Variants in LTF observed in about 807,000 individuals in gnomAD.
The protein encoded by LTF is lactotransferrin.
Under a neutral mutation model 87.2 loss-of-function variants are expected in LTF, and 91 were observed. The ratio of observed to expected loss-of-function variants is 1.04; its 90% CI spans 0.88 to 1.24. The LOEUF is 1.24. Among genes scored for constraint, LTF ranks in the 50% most tolerant of loss-of-function variants. The probability of loss-of-function intolerance (pLI) is 0.00; values close to 1 mark genes in which losing one functional copy is unlikely to be tolerated. For synonymous variants in LTF, 378 were observed against 356.1 expected (o/e 1.06, Z -0.69); for missense variants, 901 against 904.3 (o/e 1.00, Z 0.05).
At position 46,456,354 on chromosome 3, in the gene LTF, G is replaced by T; in HGVS notation, c.252C>A (p.Tyr84Ter). ...GTTTGTAGGGGGCCAGGCCTGCCTCGTATATGAAACCACCATCAAGGGTCA... is the reference window on the plus strand; with the variant it reads ...GTTTGTAGGGGGCCAGGCCTGCCTCTTATATGAAACCACCATCAAGGGTCA... ...DAVTLDGGFIYEAGLAPYKLR... is the reference protein window; with the variant it reads ...DAVTLDGGFI Residue 84 changes from tyrosine to a stop codon, truncating the protein, a stop_gained, in exon 3 of 17, where the codon TAC (tyrosine) becomes TAA (stop). Transcript: ENST00000231751. LOFTEE classifies it high-confidence loss of function. The T allele has an allele frequency of 1.2e-6, 2 of 1,614,178 alleles. No homozygotes were observed. Among genetic ancestry groups the T allele is most frequent in the South Asian group, 1.1e-5 (1 of 91,086 alleles).
In LTF at chr3:46,482,651, AGAAAGAAAGAAGGAAGGAAG is replaced by A. The variant is rs1304950297; in HGVS notation, c.-320+2315_-320+2334del. Among the ~76,000 whole-genome samples, 123 of 101,220 alleles carry A rather than the reference AGAAAGAAAGAAGGAAGGAAG, an allele frequency of 1.2e-3. 9 individuals carry two copies. Among genetic ancestry groups the A allele is most frequent in the Admixed American group, 3.4e-3 (33 of 9,820 alleles). 66.4% of individuals were successfully genotyped at this position (101,220 alleles called of 152,430 possible). On this transcript the variant is annotated intron_variant, in intron 1 of 19. Coordinates refer to the LTF transcript ENST00000443496. The stretch of plus-strand genomic sequence containing the variant: ...AAGAAAGAAAGAAAGAAAGAAAGAA[AGAAAGAAAGAAGGAAGGAAG>A]GAAGGAAGGAAGGAAGGAAGGAAGG...
At chr3:46,455,744 C>G (rs894352565) in intron 4 of LTF, 52 bp downstream of exon 4, 15 of 1,514,016 alleles carry the variant, frequency 9.9e-6, no homozygotes, top group Non-Finnish European at 1.3e-5. Context: ...GTGCTTACAA[C>G]TGGAATAGAG....
chr3:46,440,067 T>C (rs1359623711), intron 14 of LTF, among the ~76,000 whole-genome samples: 1 of 152,254 alleles, frequency 6.6e-6, no homozygotes, highest in East Asian at 1.9e-4. Flanking sequence ...TATGGGAGGA[T>C]ACAAGCGTTC....
intron 1 of LTF, among the ~76,000 whole-genome samples, chr3:46,479,554 C>A (rs572950266): frequency 3.9e-4 from 59 of 152,138 alleles, no homozygotes; most frequent in Non-Finnish European, 7.1e-4. Flanking sequence ...GACAGAGTCT[C>A]GCTCTGTCAC....
chr3:46,464,666 T>C (rs1703168186), intron 1 of LTF, among the ~76,000 whole-genome samples, 159 bp downstream of exon 1: 1 of 152,170 alleles, frequency 6.6e-6, no homozygotes, highest in Non-Finnish European at 1.5e-5. Flanking sequence ...GGAAAGAGAC[T>C]GGCCCCGCGT....
chr3:46,441,814 A>T (rs1373799324), intron 13 of LTF: 2 of 241,998 alleles, frequency 8.3e-6, no homozygotes, highest in African/African-American at 4.6e-5. Flanking sequence ...GGCGGCCTAC[A>T]CAGCAACCAG....
chr3:46,451,657 C>A (rs948111883), intron 6 of LTF, among the ~76,000 whole-genome samples: 16 of 152,098 alleles, frequency 1.1e-4, no homozygotes, highest in African/African-American at 3.9e-4. Context: ...TGCAGTGGTG[C>A]GATCTCAGCT....
chr3:46,464,434 G>T (rs1439430175), intron 1 of LTF, among the ~76,000 whole-genome samples: 1 of 152,172 alleles, frequency 6.6e-6, no homozygotes, highest in Admixed American at 6.5e-5. Context: ...CACAGTCCTC[G>T]CAGGAGCTAG....
chr3:46,464,708 C>T, intron 1 of LTF, 117 bp downstream of exon 1: 1 of 1,128,750 alleles, frequency 8.9e-7, no homozygotes, highest in Non-Finnish European at 1.3e-6. Flanking sequence ...GGCGCTGGGA[C>T]CGCGGGGCGC....
chr3:46,463,493 C>A (rs942468406), intron 1 of LTF: 4 of 985,548 alleles, frequency 4.1e-6, no homozygotes, highest in Admixed American at 1.2e-4. Flanking sequence ...AGGAATTCCA[C>A]AGGGCAACTG....
At chr3:46,437,063 C>T (rs1386921852) in intron 16 of LTF, among the ~76,000 whole-genome samples, 1 of 152,178 alleles carries the variant, frequency 6.6e-6, no homozygotes, top group Non-Finnish European at 1.5e-5. Flanking sequence ...CAACAGCATC[C>T]CTAATGCCCC....
intron 14 of LTF, 68 bp downstream of exon 14, chr3:46,441,348 G>T: frequency 7.8e-7 from 1 of 1,279,678 alleles, no homozygotes. Context: ...AGGCAAATCT[G>T]AACACTAAGA....
intron 5 of LTF, 37 bp downstream of exon 5, chr3:46,455,258 A>G: frequency 6.2e-7 from 1 of 1,613,526 alleles, no homozygotes; most frequent in Non-Finnish European, 8.5e-7. Flanking sequence ...GCCAAGGGAC[A>G]CTTGGCCACT....
intron 1 of LTF, among the ~76,000 whole-genome samples, chr3:46,482,833 G>A (rs1703468792): frequency 6.6e-6 from 1 of 151,258 alleles, no homozygotes; most frequent in African/African-American, 2.4e-5. Context: ...GAGAAAGGGA[G>A]GAAGGGAGGG....
upstream of LTF, among the ~76,000 whole-genome samples, chr3:46,467,611 G>A (rs1703232048): frequency 6.6e-6 from 1 of 151,528 alleles, no homozygotes; most frequent in African/African-American, 2.4e-5. Context: ...TGGCTTTCTG[G>A]CCAGGAATTC....
At chr3:46,441,015 G>A (rs746047190) in intron 14 of LTF, among the ~76,000 whole-genome samples, 1 of 152,192 alleles carries the variant, frequency 6.6e-6, no homozygotes, top group Non-Finnish European at 1.5e-5. Context: ...ATAAAGGGAG[G>A]CTTCATTTGC....
intron 10 of LTF, among the ~76,000 whole-genome samples, chr3:46,447,000 A>G (rs988021697): frequency 1.3e-5 from 2 of 152,154 alleles, no homozygotes; most frequent in African/African-American, 4.8e-5. Flanking sequence ...TGGGCCCGAG[A>G]GCATGGACTG....
chr3:46,479,599 C>T (rs905526393), intron 1 of LTF, among the ~76,000 whole-genome samples: 6 of 152,214 alleles, frequency 3.9e-5, no homozygotes, highest in Admixed American at 1.3e-4. Context: ...TCTCAACTCA[C>T]TCCAACCTCT....
rs529115943 is a variant in LTF at position 46,460,888 on chromosome 3, A to G, written c.44-1069T>C. ...AGGCCACAGGATACAAGATCAATAT[A>G]CAAAAATTGATCATATTTTTGCATA... On this transcript the variant is annotated intron_variant, in intron 1 of 16. Coordinates refer to ENST00000231751, the MANE Select transcript of LTF (RefSeq NM_002343.6). Among the ~76,000 whole-genome samples the G allele has an allele frequency of 3.1e-4, 47 of 152,374 alleles. 2 individuals are homozygous for G. Among genetic ancestry groups the G allele is most frequent in the African/African-American group, 5.3e-4 (22 of 41,586 alleles).
Sources: gnomAD v4.1 joint callset for allele counts (sites outside exome capture counted in the v4.1 genomes callset) on GRCh38, gnomAD v4.1.1 for gene constraint, MANE v1.5 for transcripts, NCBI Gene and HGNC (gene_info 2026-07-23, HGNC 2026-07-21) for gene names.